The following SLC60A1 variants were observed in gnomAD, a reference collection of about 807,000 sequenced individuals.
SLC60A1 encodes major facilitator superfamily domain containing 4.
At chr1:205,581,995 T>A in the SLC60A1 span, among the ~76,000 whole-genome samples, 1 of 152,248 alleles carries the variant, frequency 6.6e-6, no homozygotes, top group Admixed American at 6.5e-5. The surrounding 1 kb of genome is among the most constrained non-coding windows in gnomAD (Gnocchi z 4.2). Flanking sequence ...ATCTACCTGC[T>A]GCCCCCTCAT....
the SLC60A1 span, among the ~76,000 whole-genome samples, chr1:205,580,395 A>G: frequency 4.9e-3 from 740 of 152,152 alleles, 7 homozygotes; most frequent in Middle Eastern, 0.02. The surrounding 1 kb of genome is among the most constrained non-coding windows in gnomAD (Gnocchi z 5.0). Context: ...AGAGATGGGG[A>G]GGGAATTGGG....
At chr1:205,570,252 A>G in the SLC60A1 span, among the ~76,000 whole-genome samples, 11 of 152,258 alleles carry the variant, frequency 7.2e-5, no homozygotes, top group Non-Finnish European at 1.3e-4. Flanking sequence ...TGGAAAACAG[A>G]GACCCATAAT....
At chr1:205,599,356 T>C in the SLC60A1 span, 4 of 1,395,196 alleles carry the variant, frequency 2.9e-6, no homozygotes, top group South Asian at 4.1e-5. Context: ...GAAACGCTGC[T>C]CTGTTCCAAG....
At chr1:205,571,016 C>G in the SLC60A1 span, among the ~76,000 whole-genome samples, 14 of 152,244 alleles carry the variant, frequency 9.2e-5, no homozygotes, top group African/African-American at 3.1e-4. Flanking sequence ...CAACAGGGGG[C>G]TCTGAACAGG....
At chr1:205,584,406 T>C in the SLC60A1 span, among the ~76,000 whole-genome samples, 1 of 151,604 alleles carries the variant, frequency 6.6e-6, no homozygotes, top group Non-Finnish European at 1.5e-5. Context: ...ATTTTTAAAG[T>C]AGAGAAGGGG....
chr1:205,583,665 C>T, the SLC60A1 span, among the ~76,000 whole-genome samples: 9 of 152,340 alleles, frequency 5.9e-5, no homozygotes, highest in East Asian at 1.7e-3. Flanking sequence ...ACTCCCAGCA[C>T]CTCTCCTGGG....
At chr1:205,579,742 C>T in the SLC60A1 span, 5 of 1,614,084 alleles carry the variant, frequency 3.1e-6, no homozygotes, top group East Asian at 1.1e-4. Context: ...TCACCCTTCC[C>T]TCCTGCAGCC....
At chr1:205,585,020 C>T in the SLC60A1 span, 1 of 1,575,008 alleles carries the variant, frequency 6.3e-7, no homozygotes, top group Non-Finnish European at 8.7e-7. This position sits in a 1 kb window ranked among gnomAD's most constrained non-coding sequence, Gnocchi z 4.2. Context: ...GCGCCCCCTA[C>T]TGGGGGACCC....
chr1:205,593,786 C>T, the SLC60A1 span, among the ~76,000 whole-genome samples: 153 of 152,194 alleles, frequency 1.0e-3, 3 homozygotes, highest in African/African-American at 3.5e-3. Flanking sequence ...GAAAATAACC[C>T]TCTTAGCAGT....
chr1:205,602,331 A>G, the SLC60A1 span: 3 of 152,658 alleles, frequency 2.0e-5, no homozygotes, highest in African/African-American at 4.8e-5. Context: ...TCTGGCTGGA[A>G]AGAGAAACGT....
the SLC60A1 span, among the ~76,000 whole-genome samples, chr1:205,582,238 G>A: frequency 1.3e-5 from 2 of 152,186 alleles, no homozygotes; most frequent in African/African-American, 2.4e-5. Context: ...CCAGGAAGCC[G>A]GAAGGTCCGG....
the SLC60A1 span, among the ~76,000 whole-genome samples, chr1:205,593,416 A>AGTCGAAATCCCGCCACT: frequency 1.3e-5 from 1 of 74,724 alleles, no homozygotes; most frequent in Non-Finnish European, 2.7e-5. Flanking sequence ...GCTTGCAGTG[A>AGTCGAAATCCCGCCACT]GCACTCCAGC....
the SLC60A1 span, chr1:205,580,698 G>GC: frequency 1.2e-6 from 2 of 1,613,520 alleles, no homozygotes; most frequent in Non-Finnish European, 1.7e-6. The surrounding 1 kb of genome is among the most constrained non-coding windows in gnomAD (Gnocchi z 5.0). Context: ...GCTCTGCTGA[G>GC]CCCCCTTATT....
At chr1:205,569,728 T>C in the SLC60A1 span, among the ~76,000 whole-genome samples, 1 of 151,684 alleles carries the variant, frequency 6.6e-6, no homozygotes, top group Admixed American at 6.6e-5. Context: ...GGATTGGCAG[T>C]GAGGTGGAAG....
the SLC60A1 span, among the ~76,000 whole-genome samples, chr1:205,585,405 C>T: frequency 6.6e-6 from 1 of 152,166 alleles, no homozygotes; most frequent in Non-Finnish European, 1.5e-5. This position sits in a 1 kb window ranked among gnomAD's most constrained non-coding sequence, Gnocchi z 4.2. Context: ...AAACAAGCTT[C>T]AGGTGGAATT....
the SLC60A1 span, among the ~76,000 whole-genome samples, chr1:205,584,547 TTAAAAAA>T: frequency 1.1e-5 from 1 of 92,870 alleles, no homozygotes; most frequent in African/African-American, 4.8e-5. Flanking sequence ...CTTTTTTTTT[TTAAAAAA>T]AAAAAAAAAA....
the SLC60A1 span, chr1:205,592,437 G>A: frequency 5.6e-4 from 483 of 856,136 alleles, 1 homozygote; most frequent in Non-Finnish European, 7.1e-4. Context: ...CAACGTGCAG[G>A]TTTGTTACAT....
chr1:205,589,956 G>A, the SLC60A1 span, among the ~76,000 whole-genome samples: 3 of 152,314 alleles, frequency 2.0e-5, no homozygotes, highest in East Asian at 5.8e-4. Context: ...ACCCAGGTGT[G>A]GGAGGTAAGG....
At chr1:205,579,687 T>A in the SLC60A1 span, 3 of 1,580,860 alleles carry the variant, frequency 1.9e-6, no homozygotes, top group Middle Eastern at 3.3e-4. Flanking sequence ...ACCCAGTGAA[T>A]GGAGGAGAAG....
Sources: allele counts gnomAD v4.1 joint callset (sites outside exome capture counted in the v4.1 genomes callset), GRCh38; gene constraint gnomAD v4.1.1; non-coding constraint Gnocchi (gnomAD v3.1); transcripts MANE v1.5; gene names NCBI Gene and HGNC (gene_info 2026-07-23, HGNC 2026-07-21).